Variants in ADAM18 observed in about 807,000 individuals in gnomAD.
The protein encoded by ADAM18 is disintegrin and metalloproteinase domain-containing protein 18.
Under a neutral mutation model 94.4 loss-of-function variants are expected in ADAM18, and 117 were observed. The ratio of observed to expected loss-of-function variants is 1.24; its 90% CI spans 1.07 to 1.45. The LOEUF is 1.45. ADAM18 is among the 40% of genes most tolerant of loss of function. The probability of loss-of-function intolerance (pLI) is 0.00; values close to 1 mark genes in which losing one functional copy is unlikely to be tolerated. For synonymous variants in ADAM18, 327 were observed against 291.6 expected (o/e 1.12, Z -1.24); for missense variants, 936 against 880.0 (o/e 1.06, Z -0.81).
chr8:39,728,113 A>G (rs2129582029), intron 19 of ADAM18, among the ~76,000 whole-genome samples: 1 of 152,178 alleles, frequency 6.6e-6, no homozygotes, highest in South Asian at 2.1e-4. Context: ...AAATGGCCAG[A>G]TCTTGCAAGA....
chr8:39,586,250 A>T (rs1818388065), intron 2 of ADAM18, among the ~76,000 whole-genome samples: 1 of 152,200 alleles, frequency 6.6e-6, no homozygotes, highest in Non-Finnish European at 1.5e-5. Context: ...GAGAAGTTGG[A>T]AAGGATTTTC....
At chr8:39,591,069 T>C (rs1219526373) in intron 2 of ADAM18, among the ~76,000 whole-genome samples, 1 of 152,208 alleles carries the variant, frequency 6.6e-6, no homozygotes, top group African/African-American at 2.4e-5. Context: ...AAAAATAACA[T>C]TGTATAAACC....
intron 6 of ADAM18, chr8:39,610,908 A>G: frequency 8.2e-7 from 1 of 1,221,986 alleles, no homozygotes; most frequent in Non-Finnish European, 1.0e-6. Context: ...ATGATGTATT[A>G]TGTAACATTA....
At chr8:39,673,015 A>G (rs184720753) in intron 14 of ADAM18, among the ~76,000 whole-genome samples, 151 of 152,288 alleles carry the variant, frequency 9.9e-4, no homozygotes, top group Non-Finnish European at 1.8e-3. Flanking sequence ...AGTTTGTGCA[A>G]TTCCCTCAGT....
chr8:39,598,974 G>C (rs988570598), intron 2 of ADAM18, among the ~76,000 whole-genome samples: 2 of 151,862 alleles, frequency 1.3e-5, no homozygotes, highest in Non-Finnish European at 2.9e-5. Context: ...AACACGCCCG[G>C]CTAATGTTGT....
chr8:39,616,816 G>T (rs1373626500), intron 6 of ADAM18, among the ~76,000 whole-genome samples: 1 of 152,150 alleles, frequency 6.6e-6, no homozygotes, highest in Non-Finnish European at 1.5e-5. Context: ...CTAGTCACAT[G>T]CAAAAGATTG....
intron 3 of ADAM18, among the ~76,000 whole-genome samples, chr8:39,608,187 A>G (rs906241399): frequency 6.6e-6 from 1 of 152,120 alleles, no homozygotes; most frequent in East Asian, 1.9e-4. Context: ...ATATATCTAT[A>G]TCTATATCTA....
intron 18 of ADAM18, among the ~76,000 whole-genome samples, chr8:39,710,381 A>G (rs915567510): frequency 1.3e-5 from 2 of 152,244 alleles, no homozygotes; most frequent in African/African-American, 4.8e-5. Flanking sequence ...AATTCAGATA[A>G]AAAATGAGAA....
At chr8:39,626,455 G>T (rs1432951991) in intron 6 of ADAM18, among the ~76,000 whole-genome samples, 2 of 151,436 alleles carry the variant, frequency 1.3e-5, no homozygotes, top group Non-Finnish European at 2.9e-5. Flanking sequence ...TTTGGGTTTG[G>T]TTTGTTCTTA....
At chr8:39,657,353 C>T (rs1400636881) in intron 12 of ADAM18, among the ~76,000 whole-genome samples, 1 of 152,108 alleles carries the variant, frequency 6.6e-6, no homozygotes, top group Admixed American at 6.6e-5. Flanking sequence ...CTTTTATCAT[C>T]CAGGCTGGAG....
chr8:39,703,394 G>A (rs1395111074), intron 17 of ADAM18, among the ~76,000 whole-genome samples: 1 of 152,062 alleles, frequency 6.6e-6, no homozygotes, highest in East Asian at 1.9e-4. Flanking sequence ...AGACAATGAG[G>A]TTATTTTTAG....
Position 39,585,325 on chromosome 8 carries a change from A to C in ADAM18, c.105A>C (p.Ser35=). 2 of 1,613,524 alleles carry C rather than the reference A, an allele frequency of 1.2e-6. No homozygotes were observed. Among genetic ancestry groups the C allele is most frequent in the Non-Finnish European group, 1.7e-6 (2 of 1,179,624 alleles). ...TCACAGTTCCACGGAAGATTAAGTC[A>C]AATGACAGTGAAGTTTCAGAGAGGA... ...LHVTVPRKIK[S]NDSEVSERKM... Residue 35 remains serine, a synonymous_variant, in exon 2 of 20, where the codon TCA becomes TCC. Transcript: ENST00000265707.
chr8:39,594,908 A>G (rs1030554519), intron 2 of ADAM18, among the ~76,000 whole-genome samples: 2 of 140,534 alleles, frequency 1.4e-5, no homozygotes, highest in South Asian at 2.2e-4. Context: ...TTCACCCGCT[A>G]TTTCTTGTGA....
At chr8:39,657,453 A>G (rs527439811) in intron 12 of ADAM18, among the ~76,000 whole-genome samples, 1 of 152,230 alleles carries the variant, frequency 6.6e-6, no homozygotes, top group Non-Finnish European at 1.5e-5. Flanking sequence ...CCAGGATTAC[A>G]GGTGCCCACC....
chr8:39,629,192 T>G (rs923464141), intron 6 of ADAM18, among the ~76,000 whole-genome samples, 182 bp from the exon 7 acceptor site: 4 of 151,992 alleles, frequency 2.6e-5, no homozygotes, highest in Admixed American at 6.6e-5. Context: ...GCAGGTTCAT[T>G]GTAAATATTT....
intron 1 of ADAM18, 89 bp from the exon 2 acceptor site, chr8:39,585,187 C>A: frequency 2.1e-6 from 2 of 975,278 alleles, no homozygotes; most frequent in Non-Finnish European, 3.2e-6. Context: ...TTAGGCGCCA[C>A]CATGCAGTCC....
At chr8:39,712,744 G>A (rs778489935) in intron 18 of ADAM18, among the ~76,000 whole-genome samples, 6 of 152,052 alleles carry the variant, frequency 3.9e-5, no homozygotes, top group Admixed American at 3.3e-4. Flanking sequence ...GATGTAAAGG[G>A]CATCTGCAAG....
Position 39,729,894 on chromosome 8 carries a change from A to G in ADAM18, c.2178-4A>G, listed in dbSNP as rs1294649266. On this transcript the variant is annotated splice_polypyrimidine_tract_variant and splice_region_variant and intron_variant, in intron 19 of 19. Coordinates refer to ENST00000265707, the MANE Select transcript of ADAM18 (RefSeq NM_014237.3). ...TCTATTTTTTCTGTTTTTCTTCACT[A>G]TAGTAATTCATCCGTTGTATCAGAA... 1.2e-6 allele frequency: 2 copies of G among 1,612,770 alleles called. No individual in the cohort carries two copies. The highest frequency in any genetic ancestry group is 1.7e-5 in the Admixed American group (1 of 60,010).
intron 2 of ADAM18, among the ~76,000 whole-genome samples, chr8:39,590,178 A>T (rs921555077): frequency 7.2e-5 from 11 of 151,926 alleles, no homozygotes; most frequent in Non-Finnish European, 5.9e-5. Context: ...AAGACTTGGA[A>T]CCAACCCGAA....
Sources: allele counts gnomAD v4.1 joint callset (sites outside exome capture counted in the v4.1 genomes callset), GRCh38; gene constraint gnomAD v4.1.1; transcripts MANE v1.5; gene names NCBI Gene and HGNC (gene_info 2026-07-23, HGNC 2026-07-21).